The following IFT81 variants were observed in gnomAD, a reference collection of about 807,000 sequenced individuals.
The protein encoded by IFT81 is intraflagellar transport 81.
IFT81 carries 72 observed loss-of-function variants against 102.6 expected under a neutral mutation model. That is an observed-to-expected ratio of 0.70 (90% CI 0.58 to 0.85). IFT81 has a LOEUF of 0.85. IFT81 is among the 40% of genes least tolerant of loss of function. The pLI is 0.00. For missense variants in IFT81, 723 were observed against 787.3 expected (o/e 0.92, Z 0.98); for synonymous variants, 237 against 242.7 (o/e 0.98, Z 0.22).
chr12:110,127,943 A>G, intron 2 of IFT81, 103 bp from the exon 3 acceptor site: 2 of 768,720 alleles, frequency 2.6e-6, no homozygotes, highest in South Asian at 1.7e-5. Flanking sequence ...TGAAGAGACC[A>G]TTGTGCTGTT....
intron 11 of IFT81, among the ~76,000 whole-genome samples, chr12:110,164,050 A>G (rs1896304610): frequency 6.6e-6 from 1 of 152,214 alleles, no homozygotes. Context: ...CATTTCCATA[A>G]AGGGCTAAGA....
chr12:110,210,368 A>G (rs1869247940), intron 18 of IFT81, among the ~76,000 whole-genome samples: 1 of 152,342 alleles, frequency 6.6e-6, no homozygotes, highest in Non-Finnish European at 1.5e-5. Flanking sequence ...TTTTAAGTCT[A>G]TATTGCATAA....
Position 110,205,685 on chromosome 12 carries a change from G to A in IFT81, c.1802+5G>A. 1 of 1,565,308 alleles carries A rather than the reference G, an allele frequency of 6.4e-7. No individual in the cohort carries two copies. The highest frequency in any genetic ancestry group is 8.6e-7 in the Non-Finnish European group (1 of 1,156,414). On this transcript the variant is annotated splice_donor_5th_base_variant and intron_variant, in intron 17 of 18. Transcript: ENST00000242591. ...AGAAAAAAGAAAGGCAATTAGGCAAGTGATTTTGTTGTTTTATATTGAGAT... is the reference window on the plus strand; with the variant it reads ...AGAAAAAAGAAAGGCAATTAGGCAAATGATTTTGTTGTTTTATATTGAGAT...
intron 12 of IFT81, among the ~76,000 whole-genome samples, chr12:110,182,619 C>T (rs1455489516): frequency 6.6e-6 from 1 of 152,140 alleles, no homozygotes; most frequent in Non-Finnish European, 1.5e-5. Context: ...TTCTTTCTGT[C>T]CCTGTTATAT....
intron 14 of IFT81, among the ~76,000 whole-genome samples, chr12:110,202,083 T>G (rs1341402521): frequency 6.6e-6 from 1 of 152,250 alleles, no homozygotes; most frequent in Admixed American, 6.5e-5. Context: ...TACATAATTG[T>G]ATTGCTATAC....
rs768960613 is a variant in IFT81 at position 110,127,564 on chromosome 12, C to T, written c.144+40C>T. 3.9e-6 allele frequency: 6 copies of T among 1,531,990 alleles called. No homozygotes were observed. In the Admixed American group the frequency reaches 9.1e-5, roughly 23 times the overall value. The allele number at this position is 1,531,990 out of a possible 1,614,324, so 94.9% of individuals were successfully genotyped here. A position where few individuals can be genotyped will look rare whatever the true frequency, so the allele number is the denominator to read the frequency against. Reference sequence around the variant, plus strand: ...TTTCTTTTTGATGGGTAGCAGAAAGCCAATTTCTCCCTCTAAATAGCTGTG... The same window carrying T: ...TTTCTTTTTGATGGGTAGCAGAAAGTCAATTTCTCCCTCTAAATAGCTGTG... On this transcript the variant is annotated intron_variant, in intron 2 of 18. Coordinates refer to ENST00000242591, the MANE Select transcript of IFT81 (RefSeq NM_014055.4).
In IFT81 at chr12:110,128,419, A is replaced by G. The variant is rs906314475; in HGVS notation, c.248+270A>G. Among the ~76,000 whole-genome samples, 6 of 149,940 alleles carry G rather than the reference A, an allele frequency of 4.0e-5. No individual in the cohort carries two copies. In the Admixed American group the frequency reaches 4.1e-4, roughly 10 times the overall value. On this transcript the variant is annotated intron_variant, in intron 3 of 18. Transcript: ENST00000242591. ...TCCTAGATAAAAACAGCTTAAACAC[A>G]ACTTCCTTGGATATGCCAATGATAT...
At chr12:110,185,271 C>T (rs1456440863) in intron 12 of IFT81, among the ~76,000 whole-genome samples, 2 of 152,074 alleles carry the variant, frequency 1.3e-5, no homozygotes, top group Admixed American at 6.5e-5. Context: ...CAGCAACCTC[C>T]GCCCCCTAGG....
rs573207034 is a variant in IFT81, at chr12:110,169,011, C to T, written c.1188+5946C>T. 8 of 147,976 alleles carry T rather than the reference C, an allele frequency of 5.4e-5. No individual in the cohort carries two copies. The East Asian group carries it at 1.6e-3, about 30-fold the overall frequency. 9.2% of individuals were successfully genotyped at this position (147,976 alleles called of 1,614,324 possible). The stretch of plus-strand genomic sequence containing the variant: ...CTTGCCTCTTTCTTTGTCTTTCTTT[C>T]TTTTCCTTCCTCCCTTCCTTCCTTC... On this transcript the variant is annotated intron_variant, in intron 11 of 18. Coordinates refer to ENST00000242591, the MANE Select transcript of IFT81 (RefSeq NM_014055.4).
intron 11 of IFT81, among the ~76,000 whole-genome samples, chr12:110,178,616 A>G (rs2137506550): frequency 7.0e-6 from 1 of 143,128 alleles, no homozygotes; most frequent in East Asian, 2.2e-4. Flanking sequence ...AAAAAGGCTA[A>G]GATTCTTTTT....
intron 17 of IFT81, among the ~76,000 whole-genome samples, chr12:110,207,307 T>G (rs1035111657): frequency 5.3e-5 from 8 of 151,940 alleles, no homozygotes; most frequent in African/African-American, 1.9e-4. Context: ...TGAACCACCC[T>G]CCTCAGCCTC....
intron 1 of IFT81, among the ~76,000 whole-genome samples, chr12:110,126,564 C>G (rs932377687): frequency 6.6e-6 from 1 of 152,062 alleles, no homozygotes; most frequent in South Asian, 2.1e-4. Context: ...GTGACTGTTT[C>G]AATAGGCTGA....
chr12:110,194,203 G>C (rs964177963), intron 14 of IFT81, among the ~76,000 whole-genome samples: 3 of 152,130 alleles, frequency 2.0e-5, no homozygotes, highest in African/African-American at 7.2e-5. Flanking sequence ...AACATTGGAG[G>C]TAACAGTTTG....
At chr12:110,163,323 C>T (rs1259737812) in intron 11 of IFT81, among the ~76,000 whole-genome samples, 1 of 152,046 alleles carries the variant, frequency 6.6e-6, no homozygotes, top group African/African-American at 2.4e-5. Context: ...TCACTGCAAC[C>T]TCCGCCTACC....
At chr12:110,157,943 C>A (rs1024808424) in intron 10 of IFT81, among the ~76,000 whole-genome samples, 1 of 152,182 alleles carries the variant, frequency 6.6e-6, no homozygotes, top group Non-Finnish European at 1.5e-5. Flanking sequence ...ATGTTCTCCA[C>A]ATCTTCATGA....
At chr12:110,149,194 C>A (rs967114461) in intron 10 of IFT81, among the ~76,000 whole-genome samples, 3 of 152,198 alleles carry the variant, frequency 2.0e-5, no homozygotes, top group Non-Finnish European at 4.4e-5. Context: ...ATTAGGCTTT[C>A]TTCTATGAAC....
chr12:110,143,534 C>T lies in IFT81; in HGVS notation c.934C>T (p.Leu312Phe). 2 of 1,554,032 alleles carry T rather than the reference C, an allele frequency of 1.3e-6. No individual in the cohort carries two copies. The highest frequency in any genetic ancestry group is 1.7e-6 in the Non-Finnish European group (2 of 1,161,300). Residue 312 changes from leucine to phenylalanine, a missense_variant, in exon 9 of 19, where the codon CTT becomes TTT. By Grantham distance (22) the Leu-to-Phe change is conservative (BLOSUM62 0). Coordinates refer to ENST00000242591, the MANE Select transcript of IFT81 (RefSeq NM_014055.4). The stretch of plus-strand genomic sequence containing the variant: ...TATGGGCCATTCTGATCTTCTTGAA[C>T]TTGAATCTAAAGTAAGTGAGAATCA... ...PAMGHSDLLE[L>F]ESKINEINTE...
intron 11 of IFT81, among the ~76,000 whole-genome samples, chr12:110,163,729 C>T (rs985658491): frequency 6.6e-6 from 1 of 151,426 alleles, no homozygotes; most frequent in African/African-American, 2.4e-5. Flanking sequence ...GATTCTCCTA[C>T]CTCAGCCTCC....
chr12:110,127,571 C>A (rs371182571), intron 2 of IFT81, 47 bp downstream of exon 2: 9 of 1,523,138 alleles, frequency 5.9e-6, no homozygotes, highest in African/African-American at 2.8e-5. Context: ...AAGCCAATTT[C>A]TCCCTCTAAA....
Sources: allele counts gnomAD v4.1 joint callset (sites outside exome capture counted in the v4.1 genomes callset), GRCh38; gene constraint gnomAD v4.1.1; transcripts MANE v1.5; gene names NCBI Gene and HGNC (gene_info 2026-07-23, HGNC 2026-07-21).